Variants in CNTN5 observed in about 807,000 individuals in gnomAD.
CNTN5 encodes contactin-5.
CNTN5 carries 77 observed loss-of-function variants against 129.1 expected under a neutral mutation model. That is an observed-to-expected ratio of 0.60 (90% CI 0.50 to 0.72). The LOEUF is 0.72. CNTN5 is among the 30% of genes least tolerant of loss of function. The pLI, the probability that CNTN5 is intolerant of heterozygous loss-of-function variation, is 0.00. For missense variants in CNTN5, 1,478 were observed against 1,328.8 expected (o/e 1.11, Z -1.75); for synonymous variants, 509 against 465.6 (o/e 1.09, Z -1.20).
At position 99,736,630 on chromosome 11, in the gene CNTN5, A is replaced by G. The variant is rs563031149; in HGVS notation, c.56-82914A>G. On this transcript the variant is annotated intron_variant, in intron 3 of 24. Transcript: ENST00000524871. ...GTATTACTTGTTTCAAGCTCAGGAAACAATACCAGTTAACCATGTATGTGA... is the reference window on the plus strand; with the variant it reads ...GTATTACTTGTTTCAAGCTCAGGAAGCAATACCAGTTAACCATGTATGTGA... Among the ~76,000 whole-genome samples the G allele has an allele frequency of 2.6e-5, 4 of 152,350 alleles. No individual in the cohort carries two copies. The South Asian group carries it at 8.3e-4, about 32-fold the overall frequency.
intron 3 of CNTN5, among the ~76,000 whole-genome samples, chr11:99,634,175 G>A (rs1163800696): frequency 1.3e-5 from 2 of 152,178 alleles, no homozygotes; most frequent in Non-Finnish European, 2.9e-5. Flanking sequence ...TGAAGAAAAA[G>A]TTGTAAGGGC....
At chr11:99,730,332 T>C (rs1387572210) in intron 3 of CNTN5, among the ~76,000 whole-genome samples, 1 of 152,148 alleles carries the variant, frequency 6.6e-6, no homozygotes, top group African/African-American at 2.4e-5. Context: ...AAACCTAAAA[T>C]GCAAACATCA....
At chr11:99,990,684 T>C (rs1238355118) in intron 8 of CNTN5, among the ~76,000 whole-genome samples, 1 of 152,138 alleles carries the variant, frequency 6.6e-6, no homozygotes, top group Non-Finnish European at 1.5e-5. Flanking sequence ...ATATACACTT[T>C]TTGAGGTGAG....
intron 1 of CNTN5, among the ~76,000 whole-genome samples, chr11:99,276,570 G>T (rs1243785515): frequency 6.6e-6 from 1 of 151,342 alleles, no homozygotes; most frequent in South Asian, 2.1e-4. Flanking sequence ...ACCTTATAAA[G>T]TTATGAGAAA....
chr11:99,978,124 T>G (rs2137341328), intron 8 of CNTN5, among the ~76,000 whole-genome samples: 1 of 152,308 alleles, frequency 6.6e-6, no homozygotes, highest in African/African-American at 2.4e-5. Context: ...GTTGTGTCTT[T>G]ATTTTTAACA....
intron 13 of CNTN5, among the ~76,000 whole-genome samples, chr11:100,093,692 C>A (rs866425970): frequency 2.0e-5 from 3 of 152,194 alleles, no homozygotes; most frequent in Middle Eastern, 3.4e-3. Context: ...GAGTTCAGGG[C>A]CACAATCAGG....
At chr11:99,552,226 T>G (rs1591266836) in intron 2 of CNTN5, among the ~76,000 whole-genome samples, 1 of 151,622 alleles carries the variant, frequency 6.6e-6, no homozygotes, top group South Asian at 2.1e-4. Context: ...TTTTTTTTTT[T>G]GTATTATATT....
chr11:99,880,759 A>G (rs372971804), intron 6 of CNTN5, among the ~76,000 whole-genome samples: 42 of 152,330 alleles, frequency 2.8e-4, no homozygotes, highest in African/African-American at 9.9e-4. Flanking sequence ...TTTCAAGGAT[A>G]TTATTATACA....
intron 8 of CNTN5, among the ~76,000 whole-genome samples, chr11:99,959,472 T>C (rs756416998): frequency 1.4e-4 from 22 of 152,188 alleles, no homozygotes; most frequent in African/African-American, 4.8e-4. Flanking sequence ...ATACTGTCCA[T>C]CCTCCTGTTA....
chr11:99,907,014 T>C (rs1565663363), intron 6 of CNTN5, among the ~76,000 whole-genome samples: 1 of 152,174 alleles, frequency 6.6e-6, no homozygotes, highest in Non-Finnish European at 1.5e-5. Flanking sequence ...TTCTTCTCTC[T>C]TTTCTTCTTT....
intron 3 of CNTN5, among the ~76,000 whole-genome samples, chr11:99,586,641 T>G (rs1181079248): frequency 6.6e-6 from 1 of 152,216 alleles, no homozygotes; most frequent in East Asian, 1.9e-4. Context: ...ACGACTATAC[T>G]GTAAACTTCT....
At chr11:99,781,813 G>C (rs1441774536) in intron 3 of CNTN5, among the ~76,000 whole-genome samples, 1 of 152,076 alleles carries the variant, frequency 6.6e-6, no homozygotes, top group East Asian at 1.9e-4. Context: ...ATTAGGGATT[G>C]ATGGGACGTA....
intron 3 of CNTN5, among the ~76,000 whole-genome samples, chr11:99,602,690 G>C (rs1047600297): frequency 4.6e-5 from 7 of 151,716 alleles, no homozygotes; most frequent in Non-Finnish European, 8.8e-5. Flanking sequence ...CAGTGTTGAA[G>C]TGTCCCTGTC....
rs115940625 is a variant in CNTN5 at position 99,721,120 on chromosome 11, C to G, written c.56-98424C>G. On this transcript the variant is annotated intron_variant, in intron 3 of 24. Transcript: ENST00000524871. ...GTCAAATTACCATCAGAATTCTTCA[C>G]AGAACTAGAGAAAATTATTTTAAAA... Among the ~76,000 whole-genome samples, 477 of 152,222 alleles carry G rather than the reference C, an allele frequency of 3.1e-3. 2 individuals are homozygous for G. Among genetic ancestry groups the G allele is most frequent in the African/African-American group, 0.011 (446 of 41,546 alleles).
intron 3 of CNTN5, among the ~76,000 whole-genome samples, chr11:99,648,709 A>G (rs1304247409): frequency 6.6e-6 from 1 of 151,942 alleles, no homozygotes; most frequent in African/African-American, 2.4e-5. Context: ...TATATTTACA[A>G]TGGAATACTA....
At chr11:100,237,792 G>A (rs1220109471) in intron 16 of CNTN5, among the ~76,000 whole-genome samples, 1 of 152,008 alleles carries the variant, frequency 6.6e-6, no homozygotes, top group African/African-American at 2.4e-5. Context: ...AGTATGTATG[G>A]GAAAAATCTG....
intron 9 of CNTN5, among the ~76,000 whole-genome samples, chr11:100,018,843 T>C (rs539190283): frequency 6.6e-6 from 1 of 152,096 alleles, no homozygotes; most frequent in African/African-American, 2.4e-5. Flanking sequence ...ACTTGGTTAA[T>C]CTGTAATTAT....
At chr11:99,759,715 G>C (rs1202826505) in intron 3 of CNTN5, among the ~76,000 whole-genome samples, 1 of 151,358 alleles carries the variant, frequency 6.6e-6, no homozygotes, top group East Asian at 1.9e-4. Context: ...GAGGGAAAGA[G>C]AGAAGGAGAG....
intron 13 of CNTN5, among the ~76,000 whole-genome samples, chr11:100,169,607 A>G (rs1411073009): frequency 6.6e-6 from 1 of 152,002 alleles, no homozygotes; most frequent in East Asian, 1.9e-4. Flanking sequence ...CTTAGACAAA[A>G]TGCTATTGTA....
Sources: allele counts gnomAD v4.1 joint callset (sites outside exome capture counted in the v4.1 genomes callset), GRCh38; gene constraint gnomAD v4.1.1; transcripts MANE v1.5; gene names NCBI Gene and HGNC (gene_info 2026-07-23, HGNC 2026-07-21).